The following NDUFA11 variants were observed in gnomAD, a reference collection of about 807,000 sequenced individuals.
NDUFA11 encodes the protein NADH:ubiquinone oxidoreductase subunit A11, also known as NADH dehydrogenase [ubiquinone] 1 alpha subcomplex subunit 11.
NDUFA11 carries 14 observed loss-of-function variants against 11.3 expected under a neutral mutation model. The ratio of observed to expected loss-of-function variants is 1.24; its 90% confidence interval spans 0.82 to 1.94. NDUFA11 has a LOEUF of 1.94. NDUFA11 is among the 30% of genes most tolerant of loss of function. The pLI is 0.00. For synonymous variants in NDUFA11, 87 were observed against 85.6 expected, an observed-to-expected ratio of 1.02 and a Z score of -0.09; for missense variants, 204 against 200.3, an observed-to-expected ratio of 1.02 and a Z score of -0.11.
At chr19:5,893,092 C>T (rs945368724), downstream of NDUFA11, 30 of 1,535,986 alleles carry the variant, frequency 2.0e-5, no homozygotes, top group African/African-American at 3.8e-4. The surrounding 1 kb of genome is among the most constrained non-coding windows in gnomAD (Gnocchi z 4.1). Context: ...GTTGCATGCC[C>T]CCCTTGTGCT....
At chr19:5,900,916 A>G (rs1270389431) in intron 1 of NDUFA11, among the ~76,000 whole-genome samples, 1 of 151,160 alleles carries the variant, frequency 6.6e-6, no homozygotes, top group East Asian at 1.9e-4. Flanking sequence ...GTCTCAAAAA[A>G]AAAAAAAAAA....
At chr19:5,893,962 C>A (rs140812682), downstream of NDUFA11, among the ~76,000 whole-genome samples, 2 of 152,184 alleles carry the variant, frequency 1.3e-5, no homozygotes, top group South Asian at 4.1e-4. The surrounding 1 kb of genome is among the most constrained non-coding windows in gnomAD (Gnocchi z 4.1). Flanking sequence ...TGCAGCCCAC[C>A]GCAGCATGTG....
chr19:5,894,772 G>C lies in NDUFA11; in HGVS notation c.396C>G (p.Gly132=). The C allele has an allele frequency of 2.5e-6, 4 of 1,613,462 alleles. No individual in the cohort carries two copies. Among genetic ancestry groups the C allele is most frequent in the Non-Finnish European group, 3.4e-6 (4 of 1,179,820 alleles). ...ASLVKMGRLE[G]WEVFAKPKV ...CCTTGGGTTTTGCAAACACCTCCCA[G>C]CCCTCCAGCCGGCCCATCTTGACCA... is the stretch of plus-strand genomic sequence containing the variant. The change falls in exon 4 of 4, where the codon GGC becomes GGG. Residue 132 remains glycine, a synonymous_variant. Transcript: ENST00000308961.
At chr19:5,893,099 T>C, downstream of NDUFA11, 2 of 1,536,096 alleles carry the variant, frequency 1.3e-6, no homozygotes, top group Non-Finnish European at 8.7e-7. The surrounding 1 kb of genome is among the most constrained non-coding windows in gnomAD (Gnocchi z 4.1). Flanking sequence ...GCCCCCCTTG[T>C]GCTGGAACAC....
chr19:5,892,838 G>A (rs369013248), downstream of NDUFA11: 1 of 1,385,406 alleles, frequency 7.2e-7, no homozygotes. Flanking sequence ...CATCTCTGAG[G>A]GGCCCTTATT....
chr19:5,893,304 A>AAAT, downstream of NDUFA11: 1 of 1,086,326 alleles, frequency 9.2e-7, no homozygotes, highest in Non-Finnish European at 1.3e-6. This position sits in a 1 kb window ranked among gnomAD's most constrained non-coding sequence, Gnocchi z 4.1. Context: ...CAAAAAATAA[A>AAAT]AATAAAAACA....
intron 1 of NDUFA11, among the ~76,000 whole-genome samples, chr19:5,898,031 C>G (rs2057621724): frequency 1.3e-5 from 2 of 152,224 alleles, no homozygotes; most frequent in South Asian, 2.1e-4. Context: ...CCAGCCCATC[C>G]CAGAGAAAAC....
chr19:5,898,969 C>T (rs1004129943), intron 1 of NDUFA11, among the ~76,000 whole-genome samples: 4 of 151,710 alleles, frequency 2.6e-5, no homozygotes, highest in East Asian at 1.9e-4. Flanking sequence ...ACTGCATCCA[C>T]GGTAAGGGAC....
chr19:5,894,790 C>A lies in NDUFA11; in HGVS notation c.378G>T (p.Lys126Asn). ...CCTCCCAGCCCTCCAGCCGGCCCATCTTGACCAGGGAGGCCGCTATGCCAA... is the reference window on the plus strand; with the variant it reads ...CCTCCCAGCCCTCCAGCCGGCCCATATTGACCAGGGAGGCCGCTATGCCAA... ...VYFGIAASLVKMGRLEGWEVF... is the reference protein window; with the variant it reads ...VYFGIAASLVNMGRLEGWEVF... Residue 126 changes from lysine to asparagine, a missense_variant, in exon 4 of 4, where the codon AAG (lysine) becomes AAT (asparagine). By Grantham distance (94) the Lys-to-Asn change is moderately conservative. Coordinates refer to ENST00000308961, the MANE Select transcript of NDUFA11 (RefSeq NM_175614.5). 6.2e-7 allele frequency: 1 copy of A among 1,613,746 alleles called. No individual in the cohort carries two copies. The highest frequency in any genetic ancestry group is 2.2e-5 in the East Asian group (1 of 44,864).
downstream of NDUFA11, chr19:5,892,030 G>A (rs1213873673): frequency 6.6e-6 from 1 of 152,310 alleles, no homozygotes. Flanking sequence ...TATGGGCCGG[G>A]GGGCCTCGGC....
rs2057652915 is a variant in NDUFA11 at position 5,902,653 on chromosome 19, G to C, written c.97+959C>G. On this transcript the variant is annotated intron_variant, in intron 1 of 3. Transcript: ENST00000308961. ...CCCAACCTGTGGCTGAGAATTAAAGGGCATGATGCCCATGAAACGCTCAGG... is the reference window on the plus strand; with the variant it reads ...CCCAACCTGTGGCTGAGAATTAAAGCGCATGATGCCCATGAAACGCTCAGG... The C allele has an allele frequency of 1.3e-5, 2 of 152,330 alleles. 1 individual carries two copies. Among genetic ancestry groups the C allele is most frequent in the Admixed American group, 1.3e-4 (2 of 15,284 alleles). The allele number at this position is 152,330 out of a possible 1,614,324, so 9.4% of individuals were successfully genotyped here.
intron 3 of NDUFA11, chr19:5,895,138 C>A (rs1354781531): frequency 2.2e-6 from 1 of 450,882 alleles, no homozygotes; most frequent in East Asian, 4.0e-5. Flanking sequence ...GTGCTGCCCC[C>A]AGCTGGGGCT....
chr19:5,900,511 C>T (rs967078130), intron 1 of NDUFA11, among the ~76,000 whole-genome samples: 7 of 152,228 alleles, frequency 4.6e-5, no homozygotes, highest in Non-Finnish European at 8.8e-5. Context: ...ATTTATCTCC[C>T]TCAGATGAGA....
chr19:5,896,087 G>A lies in NDUFA11; in HGVS notation c.313+366C>T, dbSNP rs2057606177. 1 of 462,452 alleles carries A rather than the reference G, an allele frequency of 2.2e-6. No individual in the cohort carries two copies. Among genetic ancestry groups the A allele is most frequent in the East Asian group, 3.3e-5 (1 of 30,360 alleles). 28.6% of individuals were successfully genotyped at this position (462,452 alleles called of 1,614,324 possible). On this transcript the variant is annotated intron_variant, in intron 3 of 3. Transcript: ENST00000308961. This position sits in a 1 kb window ranked among gnomAD's most constrained non-coding sequence, Gnocchi z 5.8. ...AAGGCGGCACAGAGCGAGGGCGGCGGGGATGCTGGCTTGTACACAGGGTGG... is the reference window on the plus strand; with the variant it reads ...AAGGCGGCACAGAGCGAGGGCGGCGAGGATGCTGGCTTGTACACAGGGTGG...
At chr19:5,895,979 T>C in intron 3 of NDUFA11, 1 of 229,994 alleles carries the variant, frequency 4.3e-6, no homozygotes, top group Non-Finnish European at 8.6e-6. Flanking sequence ...ACTCCATCCA[T>C]CCTCCTCTCT....
At chr19:5,901,664 G>C (rs566984798) in intron 1 of NDUFA11, among the ~76,000 whole-genome samples, 15 of 124,128 alleles carry the variant, frequency 1.2e-4, no homozygotes, top group African/African-American at 4.2e-4. Flanking sequence ...CTGTTTCTTT[G>C]GGTTTTTTTT....
At chr19:5,903,462 T>A (rs1019274364) in intron 1 of NDUFA11, 150 bp downstream of exon 1, 28 of 692,600 alleles carry the variant, frequency 4.0e-5, no homozygotes, top group Non-Finnish European at 6.3e-5. Flanking sequence ...TCACACAAGA[T>A]CCCCCCCTAC....
downstream of NDUFA11, chr19:5,892,544 A>C: frequency 5.5e-6 from 1 of 181,648 alleles, no homozygotes; most frequent in South Asian, 1.7e-4. Context: ...AGAAGCCATC[A>C]CTTCCCGGCT....
Position 5,896,463 on chromosome 19 carries a change from C to T in NDUFA11, c.303G>A (p.Leu101=), listed in dbSNP as rs762815349. The T allele has an allele frequency of 2.5e-6, 4 of 1,572,330 alleles. No homozygotes were observed. Among genetic ancestry groups the T allele is most frequent in the Non-Finnish European group, 3.5e-6 (4 of 1,159,354 alleles). ...GAGGGGGCCACTCACTGCGTGCTCC[C>T]AGAGTCAGGCCTCCGGCGCAGCCAC... ...FLGGCAGGLT[L]GARTHNYGIG... Residue 101 remains leucine, a synonymous_variant, in exon 3 of 4, where the codon CTG becomes CTA. Coordinates refer to ENST00000308961, the MANE Select transcript of NDUFA11 (RefSeq NM_175614.5). The surrounding 1 kb of genome is among the most constrained non-coding windows in gnomAD (Gnocchi z 5.8).
Sources: allele counts gnomAD v4.1 joint callset (sites outside exome capture counted in the v4.1 genomes callset), GRCh38; gene constraint gnomAD v4.1.1; non-coding constraint Gnocchi (gnomAD v3.1); transcripts MANE v1.5; gene names NCBI Gene and HGNC (gene_info 2026-07-23, HGNC 2026-07-21).